Variants in MTUS2 observed in about 807,000 individuals in gnomAD.
MTUS2 encodes microtubule-associated tumor suppressor candidate 2.
In MTUS2, 40 loss-of-function variants were observed where a neutral mutation model predicts 114.1. The ratio of observed to expected loss-of-function variants is 0.35; its 90% CI spans 0.27 to 0.46. The LOEUF (loss-of-function observed/expected upper bound fraction) is 0.46, where lower values mean the gene tolerates loss of function less well. Ranked by LOEUF, MTUS2 falls within the 20% of genes least tolerant of loss-of-function variation. The pLI is 1.00. For synonymous variants in MTUS2, 688 were observed against 672.0 expected, an observed-to-expected ratio of 1.02 and a Z score of -0.37; for missense variants, 1,679 against 1,705.4, an observed-to-expected ratio of 0.98 and a Z score of 0.27.
At chr13:29,222,432 A>G (rs560160863) in intron 5 of MTUS2, among the ~76,000 whole-genome samples, 15 of 152,364 alleles carry the variant, frequency 9.8e-5, no homozygotes, top group African/African-American at 3.6e-4. Context: ...TGCAGTTGTT[A>G]GGATTTATAT....
chr13:29,294,376 C>G, intron 6 of MTUS2, among the ~76,000 whole-genome samples: 1 of 152,052 alleles, frequency 6.6e-6, no homozygotes, highest in East Asian at 1.9e-4. Flanking sequence ...ATTGATTAAC[C>G]ATAGTTTGGA....
At chr13:29,470,311 T>G (rs1880187326) in intron 9 of MTUS2, among the ~76,000 whole-genome samples, 2 of 152,204 alleles carry the variant, frequency 1.3e-5, no homozygotes, top group African/African-American at 2.4e-5. Flanking sequence ...TTTATATTTT[T>G]CATACTAACT....
At chr13:28,852,193 C>T (rs933393602) in intron 2 of MTUS2, among the ~76,000 whole-genome samples, 4 of 152,164 alleles carry the variant, frequency 2.6e-5, no homozygotes, top group Non-Finnish European at 5.9e-5. Flanking sequence ...CACCTGATCA[C>T]ACTATCTGGT....
intron 5 of MTUS2, among the ~76,000 whole-genome samples, chr13:29,178,504 C>T (rs539003045): frequency 5.5e-4 from 84 of 152,106 alleles, no homozygotes; most frequent in Non-Finnish European, 1.0e-3. Flanking sequence ...GATAATTCTT[C>T]GCTGTTGGGG....
chr13:28,958,422 G>T (rs1232642408), intron 2 of MTUS2, among the ~76,000 whole-genome samples: 2 of 152,222 alleles, frequency 1.3e-5, no homozygotes, highest in African/African-American at 4.8e-5. Context: ...ACTGAAGATG[G>T]TGAGGAAAAT....
intron 2 of MTUS2, among the ~76,000 whole-genome samples, chr13:28,959,774 C>T (rs1883237134): frequency 6.6e-6 from 1 of 152,180 alleles, no homozygotes; most frequent in Non-Finnish European, 1.5e-5. Context: ...GACTCAAACA[C>T]CTGCCACTAG....
At chr13:29,491,245 TGGG>T (rs1315102102) in intron 11 of MTUS2, among the ~76,000 whole-genome samples, 4 of 139,918 alleles carry the variant, frequency 2.9e-5, no homozygotes, top group Admixed American at 7.3e-5. Flanking sequence ...GCTGTAAGGA[TGGG>T]GGAGGGCATG....
rs79177406 is a variant in MTUS2 at position 29,455,661 on chromosome 13, A to G, written c.3184+15612A>G. On this transcript the variant is annotated intron_variant, in intron 9 of 15. Transcript: ENST00000612955. ...AGACATACAAAGAAGCAAGGCTATA[A>G]TCAAGGAAAAAAGTAGTCAGTAGAA... Among the ~76,000 whole-genome samples the G allele has an allele frequency of 9.5e-3, 1,442 of 152,306 alleles. 20 individuals are homozygous for G. Among genetic ancestry groups the G allele is most frequent in the African/African-American group, 0.032 (1,347 of 41,554 alleles).
At chr13:28,912,045 G>A (rs2138016600) in intron 2 of MTUS2, among the ~76,000 whole-genome samples, 1 of 151,954 alleles carries the variant, frequency 6.6e-6, no homozygotes, top group Middle Eastern at 3.4e-3. Context: ...TGTTGCAATT[G>A]CTTCTGGAGT....
chr13:29,245,832 G>T (rs1044418492), intron 5 of MTUS2, among the ~76,000 whole-genome samples: 3 of 151,936 alleles, frequency 2.0e-5, no homozygotes, highest in Admixed American at 6.6e-5. Context: ...AAGTAGCTGG[G>T]ACTATAGGCG....
intron 6 of MTUS2, among the ~76,000 whole-genome samples, chr13:29,320,347 A>C (rs1593298682): frequency 6.6e-6 from 1 of 152,218 alleles, no homozygotes; most frequent in Admixed American, 6.5e-5. Flanking sequence ...GCTTCAGCCC[A>C]GTGAGCCTGA....
At chr13:29,281,211 C>T (rs1024150125) in intron 5 of MTUS2, among the ~76,000 whole-genome samples, 1 of 152,108 alleles carries the variant, frequency 6.6e-6, no homozygotes, top group African/African-American at 2.4e-5. Flanking sequence ...GTGAAATGAG[C>T]GAGATTTCAG....
intron 10 of MTUS2, among the ~76,000 whole-genome samples, chr13:29,481,743 T>C (rs1389818155): frequency 2.0e-5 from 3 of 152,082 alleles, no homozygotes; most frequent in Non-Finnish European, 2.9e-5. Context: ...CTCTCTTACT[T>C]TATGGCATTT....
chr13:29,016,244 T>C (rs1157722782), intron 2 of MTUS2, among the ~76,000 whole-genome samples: 5 of 152,114 alleles, frequency 3.3e-5, no homozygotes, highest in African/African-American at 4.8e-5. Context: ...TAGTTCCACT[T>C]TGGAAAAATA....
At chr13:29,347,583 G>A (rs534717483) in intron 7 of MTUS2, among the ~76,000 whole-genome samples, 14 of 151,736 alleles carry the variant, frequency 9.2e-5, no homozygotes, top group African/African-American at 3.1e-4. Flanking sequence ...GACACGTGTG[G>A]GGTTTCCACA....
At chr13:28,888,449 T>C (rs1878721931) in intron 2 of MTUS2, among the ~76,000 whole-genome samples, 1 of 150,358 alleles carries the variant, frequency 6.7e-6, no homozygotes. Flanking sequence ...TAGATGGAGT[T>C]TCGCTCTTGT....
Position 29,026,919 on chromosome 13 carries a change from T to C in MTUS2, c.2205+16T>C, listed in dbSNP as rs1886586873. The C allele has an allele frequency of 6.4e-7, 1 of 1,568,340 alleles. No individual in the cohort carries two copies. The highest frequency in any genetic ancestry group is 8.6e-7 in the Non-Finnish European group (1 of 1,165,092). ...TTTGCAGGAGGTAAGAGAATGTCAT[T>C]ATGATATGGTCTATAAGTTGACTGT... On this transcript the variant is annotated intron_variant, in intron 3 of 15. Coordinates refer to ENST00000612955, the MANE Select transcript of MTUS2 (RefSeq NM_001033602.4).
intron 5 of MTUS2, among the ~76,000 whole-genome samples, chr13:29,275,918 G>A (rs1489462678): frequency 6.6e-6 from 1 of 152,174 alleles, no homozygotes; most frequent in African/African-American, 2.4e-5. Flanking sequence ...TTCTCAACTT[G>A]TTTGAGCTTT....
At chr13:29,298,558 G>C (rs1335659) in intron 6 of MTUS2, among the ~76,000 whole-genome samples, 97,400 of 151,972 alleles carry the variant, frequency 0.64, 32,442 homozygotes, top group Non-Finnish European at 0.73. Context: ...CCCTGCCTTC[G>C]TCCAGTCCTC....
Sources: gnomAD v4.1 joint callset for allele counts (sites outside exome capture counted in the v4.1 genomes callset) on GRCh38, gnomAD v4.1.1 for gene constraint, MANE v1.5 for transcripts, NCBI Gene and HGNC (gene_info 2026-07-23, HGNC 2026-07-21) for gene names.